Variants in RIC8B observed in about 807,000 individuals in gnomAD.
RIC8B encodes the protein RIC8 guanine nucleotide exchange factor B, also known as chaperone Ric-8B.
A neutral mutation model predicts 57.5 loss-of-function variants in RIC8B; 16 were observed. That is an observed-to-expected ratio of 0.28 (90% CI 0.19 to 0.42). The LOEUF is 0.42. Ranked by LOEUF, RIC8B falls within the 10% of genes least tolerant of loss-of-function variation. The pLI, the probability that RIC8B is intolerant of heterozygous loss-of-function variation, is 1.00. For synonymous variants in RIC8B, 216 were observed against 250.8 expected (o/e 0.86, Z 1.31); for missense variants, 481 against 677.0 (o/e 0.71, Z 3.21).
chr12:106,878,977 T>C, intron 9 of RIC8B: 1 of 985,796 alleles, frequency 1.0e-6, no homozygotes, highest in Non-Finnish European at 1.2e-6. Context: ...TGACTGTTGT[T>C]TCATTACAGA....
intron 5 of RIC8B, among the ~76,000 whole-genome samples, chr12:106,843,278 G>A (rs1949035007): frequency 6.6e-6 from 1 of 152,106 alleles, no homozygotes; most frequent in African/African-American, 2.4e-5. Context: ...TCAGGTATCT[G>A]TATTAAAAGG....
intron 1 of RIC8B, among the ~76,000 whole-genome samples, chr12:106,781,377 CTCTT>C (rs2043756267): frequency 6.6e-6 from 1 of 152,198 alleles, no homozygotes; most frequent in Non-Finnish European, 1.5e-5. Context: ...TGCTTGTTCT[CTCTT>C]TCCCCATTTC....
At chr12:106,844,300 C>T (rs1235160395) in intron 6 of RIC8B, among the ~76,000 whole-genome samples, 2 of 152,116 alleles carry the variant, frequency 1.3e-5, no homozygotes, top group Non-Finnish European at 2.9e-5. Flanking sequence ...AGAGAGGAGA[C>T]ACTTTAAGGG....
At chr12:106,783,088 A>G (rs1033846569) in intron 1 of RIC8B, among the ~76,000 whole-genome samples, 1 of 152,196 alleles carries the variant, frequency 6.6e-6, no homozygotes, top group Non-Finnish European at 1.5e-5. Context: ...CCTCTACTTC[A>G]GCTACAGAGT....
chr12:106,815,112 C>T lies in RIC8B; in HGVS notation c.549C>T (p.Arg183=). The change falls in exon 3 of 10, where the codon CGC becomes CGT. Residue 183 remains arginine, a synonymous_variant. Coordinates refer to ENST00000392837, the MANE Select transcript of RIC8B (RefSeq NM_001330145.2). ...ACACCGACATCAGGTCACAATTGCGCTATGAGCTCCAGGGACTACCGCTGC... is the reference window on the plus strand; with the variant it reads ...ACACCGACATCAGGTCACAATTGCGTTATGAGCTCCAGGGACTACCGCTGC... ...LLHTDIRSQL[R]YELQGLPLLT... 1 of 1,614,242 alleles carries T rather than the reference C, an allele frequency of 6.2e-7. No homozygotes were observed. The highest frequency in any genetic ancestry group is 8.5e-7 in the Non-Finnish European group (1 of 1,180,030).
intron 4 of RIC8B, among the ~76,000 whole-genome samples, chr12:106,839,293 A>T (rs2046761772): frequency 6.6e-6 from 1 of 152,230 alleles, no homozygotes; most frequent in African/African-American, 2.4e-5. Context: ...AGTCAGATGA[A>T]TGGATAAAAT....
At chr12:106,800,507 T>C (rs1216047132) in intron 2 of RIC8B, among the ~76,000 whole-genome samples, 3 of 151,996 alleles carry the variant, frequency 2.0e-5, no homozygotes, top group African/African-American at 7.2e-5. Context: ...CATTTCAACA[T>C]GAGATTGAGG....
Position 106,825,706 on chromosome 12 carries a change from C to G in RIC8B, c.742-20C>G. The G allele has an allele frequency of 6.3e-7, 1 of 1,597,364 alleles. No individual in the cohort carries two copies. The highest frequency in any genetic ancestry group is 2.2e-5 in the East Asian group (1 of 44,732). ...AGGCATTCAACCCCCAATGTTTCCT[C>G]TCTTTTTTATTTGCCATAGAGTGAT... On this transcript the variant is annotated intron_variant, in intron 3 of 9. Transcript: ENST00000392837.
At chr12:106,781,045 T>C (rs1007374300) in intron 1 of RIC8B, among the ~76,000 whole-genome samples, 1 of 152,230 alleles carries the variant, frequency 6.6e-6, no homozygotes, top group Non-Finnish European at 1.5e-5. Context: ...ATGAAACCTG[T>C]AGTGAGAGTC....
At chr12:106,880,734 G>A (rs1168254870) in intron 9 of RIC8B, among the ~76,000 whole-genome samples, 1 of 151,914 alleles carries the variant, frequency 6.6e-6, no homozygotes, top group African/African-American at 2.4e-5. Context: ...TTTATGCCAC[G>A]TTTACTGAGC....
In RIC8B at chr12:106,842,676, G is replaced by A. The variant is rs201543107; in HGVS notation, c.924G>A (p.Glu308=). The A allele has an allele frequency of 5.6e-6, 9 of 1,613,990 alleles. No individual in the cohort carries two copies. The East Asian group carries it at 1.8e-4, about 32-fold the overall frequency. Residue 308 remains glutamate, a synonymous_variant, in exon 5 of 10, where the codon GAG becomes GAA. Transcript: ENST00000392837. The stretch of plus-strand genomic sequence containing the variant: ...TAACCCATGAAGAAACAGCCCAAGA[G>A]GCAACGACTCTAGATGAACTGCCCA... ...CPLTHEETAQ[E]ATTLDELPSN... is the part of the protein sequence containing the mutation.
At chr12:106,777,321 A>C (rs1471473087) in intron 1 of RIC8B, among the ~76,000 whole-genome samples, 1 of 152,210 alleles carries the variant, frequency 6.6e-6, no homozygotes, top group African/African-American at 2.4e-5. Flanking sequence ...GTATGATCAT[A>C]GTGGTTCAGG....
chr12:106,807,830 A>AATCC (rs1593159045), intron 2 of RIC8B, among the ~76,000 whole-genome samples: 2 of 152,218 alleles, frequency 1.3e-5, no homozygotes, highest in East Asian at 3.9e-4. Context: ...TCATGCCTGT[A>AATCC]ATCCCAGCAC....
Position 106,857,824 on chromosome 12 carries a change from C to T in RIC8B, c.1307-2444C>T, listed in dbSNP as rs141784228. On this transcript the variant is annotated intron_variant, in intron 7 of 9. Transcript: ENST00000392837. ...TCAATGCTTCTCACTGTGAGGATTT[C>T]GTATTTCATTTGTCTCACCTTCTCT... 6.6e-5 allele frequency among the ~76,000 whole-genome samples: 10 copies of T among 152,196 alleles called. No homozygotes were observed. The East Asian group carries it at 7.7e-4, about 12-fold the overall frequency.
chr12:106,808,254 T>C (rs2045152054), intron 2 of RIC8B, among the ~76,000 whole-genome samples: 1 of 152,180 alleles, frequency 6.6e-6, no homozygotes, highest in East Asian at 1.9e-4. Flanking sequence ...GCAAAGGTTA[T>C]ATGCAAGTAC....
Position 106,851,133 on chromosome 12 carries a change from T to C in RIC8B, c.1162-317T>C, listed in dbSNP as rs142249471. ...GAGAAACTTGACCTAAACTTCAAAATGGATTTTCATAGAGGCAAGTTGAGG... is the reference window on the plus strand; with the variant it reads ...GAGAAACTTGACCTAAACTTCAAAACGGATTTTCATAGAGGCAAGTTGAGG... On this transcript the variant is annotated intron_variant, in intron 6 of 9. Coordinates refer to ENST00000392837, the MANE Select transcript of RIC8B (RefSeq NM_001330145.2). 3.6e-3 allele frequency among the ~76,000 whole-genome samples: 554 copies of C among 152,112 alleles called. 2 individuals are homozygous for C. The highest frequency in any genetic ancestry group is 6.2e-3 in the Non-Finnish European group (421 of 67,986).
rs80194559 is a variant in RIC8B, at chr12:106,775,276, G to A, written c.84+447G>A. On this transcript the variant is annotated intron_variant, in intron 1 of 9. Transcript: ENST00000392837. The stretch of plus-strand genomic sequence containing the variant: ...AGTTTCTATACGTTTAGCACTGTAC[G>A]GTTTTCAAGGCATTGATGTCTCATC... 143 of 455,178 alleles carry A rather than the reference G, an allele frequency of 3.1e-4. 1 individual carries two copies. Among genetic ancestry groups the A allele is most frequent in the South Asian group, 7.9e-4 (51 of 64,208 alleles). 28.2% of individuals were successfully genotyped at this position (455,178 alleles called of 1,614,324 possible). A position where few individuals can be genotyped will look rare whatever the true frequency, so the allele number is the denominator to read the frequency against.
chr12:106,790,472 T>C (rs989064735), intron 2 of RIC8B, among the ~76,000 whole-genome samples: 2 of 152,228 alleles, frequency 1.3e-5, no homozygotes, highest in African/African-American at 4.8e-5. Context: ...TATACTTAGA[T>C]AAAAGCACCT....
chr12:106,815,456 A>G (rs1258023412), intron 3 of RIC8B, 152 bp downstream of exon 3: 4 of 750,460 alleles, frequency 5.3e-6, no homozygotes, highest in Non-Finnish European at 8.5e-6. Context: ...TATACTTCTT[A>G]ACCATTGTAA....
Sources: allele counts gnomAD v4.1 joint callset (sites outside exome capture counted in the v4.1 genomes callset), GRCh38; gene constraint gnomAD v4.1.1; transcripts MANE v1.5; gene names NCBI Gene and HGNC (gene_info 2026-07-23, HGNC 2026-07-21).